The following ATP1A1 variants were observed in gnomAD, a reference collection of about 807,000 sequenced individuals.
The protein encoded by ATP1A1 is sodium/potassium-transporting ATPase subunit alpha-1.
In ATP1A1, 14 loss-of-function variants were observed where a neutral mutation model predicts 114.8. The ratio of observed to expected loss-of-function variants is 0.12; its 90% CI spans 0.08 to 0.19. ATP1A1 has a LOEUF of 0.19. ATP1A1 is among the 10% of genes least tolerant of loss of function. The probability of loss-of-function intolerance (pLI) is 1.00; values close to 1 mark genes in which losing one functional copy is unlikely to be tolerated. For synonymous variants in ATP1A1, 471 were observed against 466.3 expected, an observed-to-expected ratio of 1.01 and a Z score of -0.13; for missense variants, 524 against 1,290.7, an observed-to-expected ratio of 0.41 and a Z score of 9.10.
chr1:116,391,794 T>C (rs1652490117), intron 10 of ATP1A1, among the ~76,000 whole-genome samples: 1 of 152,198 alleles, frequency 6.6e-6, no homozygotes, highest in African/African-American at 2.4e-5. Flanking sequence ...GTGGAAATGT[T>C]CTAGGCTTTG....
chr1:116,402,793 G>A (rs1324213949), intron 21 of ATP1A1, among the ~76,000 whole-genome samples: 3 of 152,288 alleles, frequency 2.0e-5, no homozygotes, highest in Admixed American at 6.5e-5. Flanking sequence ...TCCCTCCAGG[G>A]CCTGTGCACT....
rs774922557 is a variant in ATP1A1 at position 116,385,609 on chromosome 1, T to C, written c.183+767T>C. 3.3e-5 allele frequency: 5 copies of C among 152,288 alleles called. No homozygotes were observed. Among genetic ancestry groups the C allele is most frequent in the African/African-American group, 1.2e-4 (5 of 41,452 alleles). 9.4% of individuals were successfully genotyped at this position (152,288 alleles called of 1,614,324 possible). ...TAGCCCTTATTACAGTCGTTTGTTA[T>C]AATGTTGGGTGTGTTAGACCTCAGT... On this transcript the variant is annotated intron_variant, in intron 3 of 22. Transcript: ENST00000295598. The surrounding 1 kb of genome is among the most constrained non-coding windows in gnomAD (Gnocchi z 4.3).
intron 1 of ATP1A1, among the ~76,000 whole-genome samples, chr1:116,377,360 T>A (rs1651443286): frequency 6.6e-6 from 1 of 152,208 alleles, no homozygotes; most frequent in South Asian, 2.1e-4. Flanking sequence ...CAGACTGGGT[T>A]TGTTGTTCGT....
intron 18 of ATP1A1, among the ~76,000 whole-genome samples, chr1:116,400,403 G>C (rs926237880): frequency 6.6e-6 from 1 of 152,188 alleles, no homozygotes; most frequent in African/African-American, 2.4e-5. Context: ...TGGATGCCAG[G>C]GGGAGGAGGG....
At position 116,404,033 on chromosome 1, in the gene ATP1A1, T is replaced by C. The variant is rs529546474; in HGVS notation, c.3043+58T>C. 14 of 1,540,512 alleles carry C rather than the reference T, an allele frequency of 9.1e-6. No homozygotes were observed. The highest frequency in any genetic ancestry group is 4.5e-5 in the East Asian group (2 of 44,512). On this transcript the variant is annotated intron_variant, in intron 22 of 22. Transcript: ENST00000295598. The surrounding 1 kb of genome is among the most constrained non-coding windows in gnomAD (Gnocchi z 4.8). Reference sequence around the variant, plus strand: ...AGGAGTGGGAGGGGCTATAGTTCTATTGGTTTTTTGTTTCCCTCAAGGTGT... The same window carrying C: ...AGGAGTGGGAGGGGCTATAGTTCTACTGGTTTTTTGTTTCCCTCAAGGTGT...
In ATP1A1 at chr1:116,395,004, C is replaced by G; in HGVS notation, c.1661-106C>G. 8.3e-7 allele frequency: 1 copy of G among 1,197,624 alleles called. No homozygotes were observed. 74.2% of individuals were successfully genotyped at this position (1,197,624 alleles called of 1,614,324 possible). On this transcript the variant is annotated intron_variant, in intron 12 of 22. Coordinates refer to ENST00000295598, the MANE Select transcript of ATP1A1 (RefSeq NM_000701.8). This position sits in a 1 kb window ranked among gnomAD's most constrained non-coding sequence, Gnocchi z 6.4. ...AAAAATATAGACTTTAAAAATTTTC[C>G]AAAGTAAACACTCCAGAGAAAGGTA...
rs1351823891 is a variant in ATP1A1 at position 116,396,600 on chromosome 1, C to T, written c.1839C>T (p.Val613=). The part of the protein sequence containing the change: ...VGKCRSAGIK[V]IMVTGDHPIT... ...ACACATTGTCTTGTTTATTACAGGT[C>T]ATCATGGTCACAGGAGACCATCCAA... Residue 613 remains valine (V), a splice_region_variant and synonymous_variant, in exon 14 of 23, where the codon GTC becomes GTT. Coordinates refer to ENST00000295598, the MANE Select transcript of ATP1A1 (RefSeq NM_000701.8). 9 of 1,613,588 alleles carry T rather than the reference C, an allele frequency of 5.6e-6. No individual in the cohort carries two copies. The highest frequency in any genetic ancestry group is 7.6e-6 in the Non-Finnish European group (9 of 1,179,780).
intron 1 of ATP1A1, among the ~76,000 whole-genome samples, chr1:116,375,513 C>T (rs1651306629): frequency 6.6e-6 from 1 of 152,148 alleles, no homozygotes; most frequent in African/African-American, 2.4e-5. Context: ...GAGCTTAAAC[C>T]CAGATGTCTT....
chr1:116,389,890 C>T lies in ATP1A1; in HGVS notation c.1023+183C>T, dbSNP rs972212353. The T allele has an allele frequency of 1.3e-5, 12 of 925,790 alleles. No homozygotes were observed. The highest frequency in any genetic ancestry group is 5.3e-5 in the South Asian group (3 of 56,898). 57.3% of individuals were successfully genotyped at this position (925,790 alleles called of 1,614,324 possible). A position where few individuals can be genotyped will look rare whatever the true frequency, so the allele number is the denominator to read the frequency against. On this transcript the variant is annotated intron_variant, in intron 8 of 22. Coordinates refer to ENST00000295598, the MANE Select transcript of ATP1A1 (RefSeq NM_000701.8). This position sits in a 1 kb window ranked among gnomAD's most constrained non-coding sequence, Gnocchi z 6.9. ...GAGAAAACCTCAGCATTTGTTTATA[C>T]GTAAGATAACCCCAAAGCATACATT... is the stretch of plus-strand genomic sequence containing the variant.
At position 116,381,750 on chromosome 1, in the gene ATP1A1, G is replaced by A. The variant is rs1651757079; in HGVS notation, c.13-2264G>A. Among the ~76,000 whole-genome samples the A allele has an allele frequency of 6.6e-6, 1 of 152,170 alleles. No homozygotes were observed. The highest frequency in any genetic ancestry group is 2.1e-4 in the South Asian group (1 of 4,822). Reference sequence around the variant, plus strand: ...GTAATCCTCTCTCCTCTTCTGGAGTGGAAGATATTGGAAGTCTGAGAATAA... The same window carrying A: ...GTAATCCTCTCTCCTCTTCTGGAGTAGAAGATATTGGAAGTCTGAGAATAA... On this transcript the variant is annotated intron_variant, in intron 1 of 22. Transcript: ENST00000295598. The surrounding 1 kb of genome is among the most constrained non-coding windows in gnomAD (Gnocchi z 5.1).
Position 116,390,401 on chromosome 1 carries a change from G to A in ATP1A1, c.1212G>A (p.Glu404=). Residue 404 remains glutamate, a synonymous_variant, in exon 9 of 23, where the codon GAG becomes GAA. Coordinates refer to ENST00000295598, the MANE Select transcript of ATP1A1 (RefSeq NM_000701.8). The stretch of plus-strand genomic sequence containing the variant: ...AAATCCATGAAGCTGATACGACAGA[G>A]AATCAGAGTGGTAAGGCCAGGGTTA... ...DNQIHEADTT[E]NQSGVSFDKT... 6.2e-7 allele frequency: 1 copy of A among 1,613,996 alleles called. No individual in the cohort carries two copies. The highest frequency in any genetic ancestry group is 8.5e-7 in the Non-Finnish European group (1 of 1,180,006).
intron 1 of ATP1A1, among the ~76,000 whole-genome samples, chr1:116,377,881 G>A (rs1362647259): frequency 1.3e-5 from 2 of 152,196 alleles, no homozygotes; most frequent in African/African-American, 2.4e-5. Context: ...TACATGTCCA[G>A]TACATGATAA....
rs1652250889 is a variant in ATP1A1, at chr1:116,388,580, T to G, written c.502-58T>G. On this transcript the variant is annotated intron_variant, in intron 5 of 22. Coordinates refer to ENST00000295598, the MANE Select transcript of ATP1A1 (RefSeq NM_000701.8). This position sits in a 1 kb window ranked among gnomAD's most constrained non-coding sequence, Gnocchi z 5.6. ...TATGACTATTTTTATTTTCTTGTTT[T>G]GGACACTACCTTCTCTTTGTTGGTA... 2.6e-6 allele frequency: 4 copies of G among 1,554,146 alleles called. 1 individual carries two copies. The highest frequency in any genetic ancestry group is 2.3e-5 in the East Asian group (1 of 44,374).
intron 9 of ATP1A1, 88 bp downstream of exon 9, chr1:116,390,499 T>G: frequency 7.2e-7 from 1 of 1,385,116 alleles, no homozygotes; most frequent in Non-Finnish European, 9.8e-7. Context: ...ATTTCTTTTT[T>G]TTTTTTAAGC....
At chr1:116,373,711 G>A (rs552189730) in intron 1 of ATP1A1, among the ~76,000 whole-genome samples, 188 bp downstream of exon 1, 24 of 151,154 alleles carry the variant, frequency 1.6e-4, no homozygotes, top group Admixed American at 6.6e-4. Context: ...CAGTAACGGG[G>A]GGCGGGGGAA....
chr1:116,387,251 G>A lies in ATP1A1; in HGVS notation c.184-37G>A. On this transcript the variant is annotated intron_variant, in intron 3 of 22. Transcript: ENST00000295598. This position sits in a 1 kb window ranked among gnomAD's most constrained non-coding sequence, Gnocchi z 6.7. ...TAGGTATATTGCCTTGTAAGTGCTG[G>A]TACAGTTTGCCTTATTTATATTCCA... 1 of 1,611,674 alleles carries A rather than the reference G, an allele frequency of 6.2e-7. No individual in the cohort carries two copies. Among genetic ancestry groups the A allele is most frequent in the Non-Finnish European group, 8.5e-7 (1 of 1,178,982 alleles).
chr1:116,388,833 A>G lies in ATP1A1; in HGVS notation c.636+61A>G. 1 of 1,612,878 alleles carries G rather than the reference A, an allele frequency of 6.2e-7. No homozygotes were observed. On this transcript the variant is annotated intron_variant, in intron 6 of 22. Transcript: ENST00000295598. This position sits in a 1 kb window ranked among gnomAD's most constrained non-coding sequence, Gnocchi z 5.6. Reference sequence around the variant, plus strand: ...TCTGCTGTTCGGGCAGCTTGATTTGAGGGGTACAGTAGCCCATGATAAGGC... The same window carrying G: ...TCTGCTGTTCGGGCAGCTTGATTTGGGGGGTACAGTAGCCCATGATAAGGC...
At chr1:116,402,626 T>C (rs935179015) in intron 21 of ATP1A1, among the ~76,000 whole-genome samples, 3 of 149,166 alleles carry the variant, frequency 2.0e-5, no homozygotes, top group Non-Finnish European at 2.9e-5. Context: ...AGCTTTCTCT[T>C]GTACCCCTTA....
intron 1 of ATP1A1, among the ~76,000 whole-genome samples, chr1:116,377,541 T>C (rs918595335): frequency 6.6e-6 from 1 of 152,246 alleles, no homozygotes; most frequent in Non-Finnish European, 1.5e-5. Flanking sequence ...CAAGCAAATC[T>C]CCTGTTTAAT....
Sources: allele counts gnomAD v4.1 joint callset (sites outside exome capture counted in the v4.1 genomes callset), GRCh38; gene constraint gnomAD v4.1.1; non-coding constraint Gnocchi (gnomAD v3.1); transcripts MANE v1.5; gene names NCBI Gene and HGNC (gene_info 2026-07-23, HGNC 2026-07-21).